RIT2: variants seen among roughly 807,000 people sequenced by gnomAD.
RIT2 encodes the protein GTP-binding protein Rit2.
A neutral mutation model predicts 23.7 loss-of-function variants in RIT2; 24 were observed. The ratio of observed to expected loss-of-function variants is 1.01; its 90% CI spans 0.73 to 1.43. The LOEUF is 1.43. Ranked by LOEUF, RIT2 falls within the 40% of genes most tolerant of loss-of-function variation. RIT2 has a pLI of 0.00. For missense variants in RIT2, 236 were observed against 266.9 expected, an observed-to-expected ratio of 0.88 and a Z score of 0.81; for synonymous variants, 107 against 91.1, an observed-to-expected ratio of 1.17 and a Z score of -0.99.
At chr18:42,938,422 T>A (rs1909515482) in intron 3 of RIT2, among the ~76,000 whole-genome samples, 1 of 152,190 alleles carries the variant, frequency 6.6e-6, no homozygotes, top group Non-Finnish European at 1.5e-5. Context: ...TCTCACCTAA[T>A]TTTTAAGATT....
chr18:42,853,634 T>C (rs1008663079), intron 4 of RIT2, among the ~76,000 whole-genome samples: 2 of 152,248 alleles, frequency 1.3e-5, no homozygotes, highest in African/African-American at 4.8e-5. Flanking sequence ...ATTATTATAA[T>C]TTTTATTTGG....
intron 3 of RIT2, among the ~76,000 whole-genome samples, chr18:42,953,435 G>C (rs1568038647): frequency 6.6e-6 from 1 of 152,108 alleles, no homozygotes; most frequent in Admixed American, 6.6e-5. Flanking sequence ...GTAAGGCCAG[G>C]AACAGCTGTT....
At chr18:42,830,144 A>G (rs1411767276) in intron 4 of RIT2, among the ~76,000 whole-genome samples, 2 of 152,202 alleles carry the variant, frequency 1.3e-5, no homozygotes, top group African/African-American at 4.8e-5. Flanking sequence ...GGCAGAATTT[A>G]GAGACCATAA....
At chr18:43,005,568 G>T (rs1162327631) in intron 2 of RIT2, among the ~76,000 whole-genome samples, 1 of 151,584 alleles carries the variant, frequency 6.6e-6, no homozygotes, top group East Asian at 2.0e-4. Context: ...CCAAATTTTT[G>T]GCAATGACAT....
chr18:42,754,191 G>T (rs553302171), intron 4 of RIT2, among the ~76,000 whole-genome samples: 2 of 152,134 alleles, frequency 1.3e-5, no homozygotes, highest in Admixed American at 6.5e-5. Flanking sequence ...ATTATGTTGG[G>T]GCCTCCTTCT....
chr18:43,105,100 C>CTCTG (rs55751225), intron 1 of RIT2, among the ~76,000 whole-genome samples: 336 of 143,062 alleles, frequency 2.3e-3, no homozygotes, highest in East Asian at 0.014. Context: ...AGGCAGTGTG[C>CTCTG]TGTGTGTGTG....
At chr18:42,823,814 C>T (rs999989661) in intron 4 of RIT2, among the ~76,000 whole-genome samples, 8 of 152,036 alleles carry the variant, frequency 5.3e-5, no homozygotes, top group Non-Finnish European at 7.4e-5. Flanking sequence ...GCTCAATTCA[C>T]GGAGTCAATA....
Position 43,024,707 on chromosome 18 carries a change from AAACAAC to A in RIT2, c.160+9098_160+9103del, listed in dbSNP as rs141467663. Reference sequence around the variant, plus strand: ...TCCAGTATCTTCATGGAACTCAAACAAACAACAACAACAACAACAACAACAACAACA... The same window carrying A: ...TCCAGTATCTTCATGGAACTCAAACAAACAACAACAACAACAACAACAACA... On this transcript the variant is annotated intron_variant, in intron 2 of 4. Coordinates refer to ENST00000326695, the MANE Select transcript of RIT2 (RefSeq NM_002930.4). Among the ~76,000 whole-genome samples the A allele has an allele frequency of 4.9e-3, 744 of 150,308 alleles. 5 individuals are homozygous for A. Among genetic ancestry groups the A allele is most frequent in the African/African-American group, 0.013 (539 of 40,900 alleles).
At chr18:42,896,495 G>T (rs1391125117) in intron 4 of RIT2, among the ~76,000 whole-genome samples, 1 of 152,084 alleles carries the variant, frequency 6.6e-6, no homozygotes, top group Admixed American at 6.6e-5. Flanking sequence ...TATCAATATT[G>T]TTTAATGTGA....
intron 1 of RIT2, among the ~76,000 whole-genome samples, chr18:43,035,115 G>A (rs1336711813): frequency 2.0e-5 from 3 of 152,184 alleles, no homozygotes; most frequent in Admixed American, 6.5e-5. Flanking sequence ...AGAAGACTTA[G>A]TTACATTCAA....
At chr18:43,104,199 C>A (rs1568083383) in intron 1 of RIT2, among the ~76,000 whole-genome samples, 1 of 151,966 alleles carries the variant, frequency 6.6e-6, no homozygotes, top group Non-Finnish European at 1.5e-5. Flanking sequence ...AAGATAAATA[C>A]CAAAAGTTCT....
At chr18:42,846,369 G>C (rs987626501) in intron 4 of RIT2, among the ~76,000 whole-genome samples, 1 of 151,728 alleles carries the variant, frequency 6.6e-6, no homozygotes, top group African/African-American at 2.4e-5. Context: ...AAAAACCTTT[G>C]TAAAAACAAG....
chr18:43,050,713 T>C (rs961036037), intron 1 of RIT2, among the ~76,000 whole-genome samples: 1 of 151,846 alleles, frequency 6.6e-6, no homozygotes, highest in African/African-American at 2.4e-5. Flanking sequence ...CCCAGAGAGG[T>C]TCCTGCCCAA....
At chr18:43,015,106 T>C (rs1911442055) in intron 2 of RIT2, among the ~76,000 whole-genome samples, 1 of 151,756 alleles carries the variant, frequency 6.6e-6, no homozygotes, top group Admixed American at 6.6e-5. Flanking sequence ...TGAGAAGTAC[T>C]TATGAAATGT....
At chr18:42,919,492 T>G (rs879266590) in intron 4 of RIT2, among the ~76,000 whole-genome samples, 15 of 152,042 alleles carry the variant, frequency 9.9e-5, no homozygotes, top group Non-Finnish European at 1.8e-4. Context: ...GGCTGGAGGA[T>G]CACCTGAGGT....
At chr18:42,836,910 G>A (rs1598675383) in intron 4 of RIT2, among the ~76,000 whole-genome samples, 1 of 151,996 alleles carries the variant, frequency 6.6e-6, no homozygotes, top group Non-Finnish European at 1.5e-5. Flanking sequence ...GATAAGATGG[G>A]AAGGACTCTA....
chr18:42,768,704 A>T (rs916773814), intron 4 of RIT2, among the ~76,000 whole-genome samples: 5 of 152,068 alleles, frequency 3.3e-5, no homozygotes, highest in Admixed American at 2.0e-4. Flanking sequence ...TGGATACTAG[A>T]TGTTTTATGA....
At chr18:43,053,384 G>T (rs1912428692) in intron 1 of RIT2, among the ~76,000 whole-genome samples, 1 of 152,008 alleles carries the variant, frequency 6.6e-6, no homozygotes, top group Admixed American at 6.6e-5. Flanking sequence ...CTCTGAACTA[G>T]TATGCTCATT....
intron 4 of RIT2, among the ~76,000 whole-genome samples, chr18:42,898,401 T>C (rs1022742826): frequency 6.6e-6 from 1 of 151,672 alleles, no homozygotes; most frequent in Non-Finnish European, 1.5e-5. Flanking sequence ...CAAAACAAAA[T>C]CAACAACAAA....
Sources: gnomAD v4.1 joint callset for allele counts (sites outside exome capture counted in the v4.1 genomes callset) on GRCh38, gnomAD v4.1.1 for gene constraint, MANE v1.5 for transcripts, NCBI Gene and HGNC (gene_info 2026-07-23, HGNC 2026-07-21) for gene names.